Variants in SHISA9 observed in about 807,000 individuals in gnomAD.
SHISA9 encodes shisa family member 9, also known as protein shisa-9.
SHISA9 carries 13 observed loss-of-function variants against 38.0 expected under a neutral mutation model. The observed-to-expected ratio is 0.34, with a 90% CI of 0.22 to 0.54. The LOEUF (loss-of-function observed/expected upper bound fraction) is 0.54, where lower values mean the gene tolerates loss of function less well. SHISA9 is among the 20% of genes least tolerant of loss of function. The pLI, the probability that SHISA9 is intolerant of heterozygous loss-of-function variation, is 0.91. For missense variants in SHISA9, 538 were observed against 575.8 expected, an observed-to-expected ratio of 0.93 and a Z score of 0.67; for synonymous variants, 275 against 242.0, an observed-to-expected ratio of 1.14 and a Z score of -1.27.
chr16:13,476,747 T>TG, the SHISA9 span, among the ~76,000 whole-genome samples: 22 of 110,718 alleles, frequency 2.0e-4, no homozygotes, highest in African/African-American at 4.4e-5. Flanking sequence ...TGTTTTTTTT[T>TG]TTTTTTTTTT....
intron 2 of SHISA9, among the ~76,000 whole-genome samples, chr16:13,020,869 C>T (rs2072843978): frequency 6.6e-6 from 1 of 152,174 alleles, no homozygotes; most frequent in Non-Finnish European, 1.5e-5. Context: ...CTGTCACTTA[C>T]CCTTCTTTGA....
At chr16:13,502,793 C>T in the SHISA9 span, among the ~76,000 whole-genome samples, 3 of 152,138 alleles carry the variant, frequency 2.0e-5, no homozygotes, top group African/African-American at 7.2e-5. Flanking sequence ...ACAAGAATTG[C>T]TTGAACCCAG....
At chr16:13,314,491 C>T in the SHISA9 span, among the ~76,000 whole-genome samples, 3 of 152,074 alleles carry the variant, frequency 2.0e-5, no homozygotes, top group East Asian at 3.9e-4. Flanking sequence ...CCTCCCACCT[C>T]GGTCTCTCAA....
chr16:13,355,985 G>C, the SHISA9 span, among the ~76,000 whole-genome samples: 2 of 152,208 alleles, frequency 1.3e-5, no homozygotes, highest in African/African-American at 4.8e-5. Context: ...GGAATCCCAG[G>C]CTGCGGGCAT....
In SHISA9 at chr16:13,024,515, T is replaced by G. The variant is rs116529393; in HGVS notation, c.691+107700T>G. Among the ~76,000 whole-genome samples, 630 of 152,312 alleles carry G rather than the reference T, an allele frequency of 4.1e-3. 7 individuals are homozygous for G. The highest frequency in any genetic ancestry group is 0.014 in the African/African-American group (587 of 41,568). On this transcript the variant is annotated intron_variant, in intron 2 of 4. Coordinates refer to ENST00000558583, the MANE Select transcript of SHISA9 (RefSeq NM_001145204.3). ...GGGAGCCAGTCCCATACATATGTAT[T>G]AAAGGATTTGGATTCCTTACTCCCA...
At chr16:13,120,550 A>C (rs949843116) in intron 2 of SHISA9, among the ~76,000 whole-genome samples, 1 of 152,184 alleles carries the variant, frequency 6.6e-6, no homozygotes. Flanking sequence ...CAACTCTGCT[A>C]AGAAGGTGGC....
rs137861733 is a variant in SHISA9, at chr16:13,209,522, T to C, written c.848-3731T>C. On this transcript the variant is annotated intron_variant, in intron 3 of 4. Coordinates refer to ENST00000558583, the MANE Select transcript of SHISA9 (RefSeq NM_001145204.3). ...GCCCAGGCATATAGATACTGTAATGTTAGCCATCAGAGAAATATTCTGTTT... is the reference window on the plus strand; with the variant it reads ...GCCCAGGCATATAGATACTGTAATGCTAGCCATCAGAGAAATATTCTGTTT... Among the ~76,000 whole-genome samples the C allele has an allele frequency of 1.3e-3, 197 of 152,342 alleles. 1 individual carries two copies. The highest frequency in any genetic ancestry group is 4.6e-3 in the African/African-American group (191 of 41,586).
chr16:13,115,917 ATCC>A (rs1161003415), intron 2 of SHISA9, among the ~76,000 whole-genome samples: 3 of 152,068 alleles, frequency 2.0e-5, no homozygotes, highest in African/African-American at 4.8e-5. Flanking sequence ...ATGACCTATA[ATCC>A]TCCTTCATCT....
At chr16:13,297,176 T>G in the SHISA9 span, among the ~76,000 whole-genome samples, 1 of 152,186 alleles carries the variant, frequency 6.6e-6, no homozygotes, top group Admixed American at 6.5e-5. Flanking sequence ...CATTTTAATC[T>G]ATTCCCTTAT....
intron 1 of SHISA9, 69 bp downstream of exon 1, chr16:12,902,696 C>T (rs997763258): frequency 7.1e-7 from 1 of 1,406,820 alleles, no homozygotes; most frequent in African/African-American, 1.4e-5. Flanking sequence ...CCACCTTCCC[C>T]CAGGCAATGG....
rs189650068 is a variant in SHISA9 at position 13,229,404 on chromosome 16, T to C, written c.896-5626T>C. ...AGAGGGACCTCAGGGGAGAGGCAGCTGGGCATAATAGGAGTGAAGTGATAC... is the reference window on the plus strand; with the variant it reads ...AGAGGGACCTCAGGGGAGAGGCAGCCGGGCATAATAGGAGTGAAGTGATAC... On this transcript the variant is annotated intron_variant, in intron 4 of 4. Transcript: ENST00000558583. Among the ~76,000 whole-genome samples, 354 of 152,292 alleles carry C rather than the reference T, an allele frequency of 2.3e-3. 1 individual carries two copies. Among genetic ancestry groups the C allele is most frequent in the African/African-American group, 8.0e-3 (331 of 41,552 alleles).
chr16:13,508,458 AAG>A, the SHISA9 span, among the ~76,000 whole-genome samples: 1 of 152,200 alleles, frequency 6.6e-6, no homozygotes, highest in Non-Finnish European at 1.5e-5. Flanking sequence ...AGATTTCCAA[AAG>A]AGAAATGACA....
intron 4 of SHISA9, among the ~76,000 whole-genome samples, chr16:13,227,202 G>A (rs2051287871): frequency 6.6e-6 from 1 of 152,196 alleles, no homozygotes; most frequent in Admixed American, 6.5e-5. Context: ...GTGGGTACCT[G>A]TTTGATGAAT....
chr16:13,513,227 C>T, the SHISA9 span, among the ~76,000 whole-genome samples: 1 of 151,946 alleles, frequency 6.6e-6, no homozygotes, highest in African/African-American at 2.4e-5. Flanking sequence ...CAAAAGAAGA[C>T]ATTTATGCAG....
At chr16:13,337,619 T>C in the SHISA9 span, among the ~76,000 whole-genome samples, 2 of 152,324 alleles carry the variant, frequency 1.3e-5, no homozygotes, top group East Asian at 3.9e-4. Flanking sequence ...TTCTGATTTT[T>C]CTTGATGCAA....
the SHISA9 span, among the ~76,000 whole-genome samples, chr16:13,487,701 A>T: frequency 6.6e-6 from 1 of 152,244 alleles, no homozygotes; most frequent in Non-Finnish European, 1.5e-5. Flanking sequence ...TATAATACTA[A>T]CATAATGTAA....
rs563831648 is a variant in SHISA9, at chr16:13,087,197, C to T, written c.692-116197C>T. Among the ~76,000 whole-genome samples, 7 of 131,174 alleles carry T rather than the reference C, an allele frequency of 5.3e-5. No homozygotes were observed. The East Asian group carries it at 7.0e-4, about 13-fold the overall frequency. The allele number at this position is 131,174 out of a possible 152,430, so 86.1% of individuals were successfully genotyped here. The stretch of plus-strand genomic sequence containing the variant: ...GCTGCATGGTATTCCATGGTGTATA[C>T]GTGCCACATTTTCTTAATGCAGTCT... On this transcript the variant is annotated intron_variant, in intron 2 of 4. Transcript: ENST00000558583.
chr16:13,173,291 A>G (rs2050703782), intron 2 of SHISA9, among the ~76,000 whole-genome samples: 1 of 151,840 alleles, frequency 6.6e-6, no homozygotes, highest in South Asian at 2.1e-4. Context: ...GTATCCCAGA[A>G]GAACAAAACT....
chr16:13,004,784 T>G (rs75521808), intron 2 of SHISA9, among the ~76,000 whole-genome samples: 1 of 150,714 alleles, frequency 6.6e-6, no homozygotes, highest in Non-Finnish European at 1.5e-5. Context: ...AAAAAAAAAT[T>G]AGCTGAACGC....
Sources: allele counts gnomAD v4.1 joint callset (sites outside exome capture counted in the v4.1 genomes callset), GRCh38; gene constraint gnomAD v4.1.1; transcripts MANE v1.5; gene names NCBI Gene and HGNC (gene_info 2026-07-23, HGNC 2026-07-21).